TMEM196: variants seen among roughly 807,000 people sequenced by gnomAD.
TMEM196 encodes the protein transmembrane protein 196.
A neutral mutation model predicts 20.0 loss-of-function variants in TMEM196; 17 were observed. The ratio of observed to expected loss-of-function variants is 0.85; its 90% CI spans 0.58 to 1.27. TMEM196 has a LOEUF of 1.27. TMEM196 is among the 50% of genes most tolerant of loss of function. The pLI, the probability that TMEM196 is intolerant of heterozygous loss-of-function variation, is 0.00. For missense variants in TMEM196, 267 were observed against 223.0 expected (o/e 1.20, Z -1.26); for synonymous variants, 113 against 88.9 (o/e 1.27, Z -1.52).
chr7:19,749,959 C>A (rs80113197), intron 1 of TMEM196, among the ~76,000 whole-genome samples: 2 of 152,218 alleles, frequency 1.3e-5, no homozygotes, highest in Admixed American at 1.3e-4. Flanking sequence ...CTTCCATTAA[C>A]AAAGGCAGCC....
At chr7:19,743,603 G>C (rs1403310210) in intron 1 of TMEM196, among the ~76,000 whole-genome samples, 2 of 152,132 alleles carry the variant, frequency 1.3e-5, no homozygotes, top group African/African-American at 4.8e-5. Context: ...GTTGGAAATA[G>C]TAAGCTAGAA....
At chr7:19,733,821 G>A (rs1784297829) in intron 1 of TMEM196, among the ~76,000 whole-genome samples, 1 of 152,168 alleles carries the variant, frequency 6.6e-6, no homozygotes, top group African/African-American at 2.4e-5. Flanking sequence ...TCTCAGGAAG[G>A]AAGGTACAGA....
At chr7:19,770,401 G>A (rs1785822361) in intron 1 of TMEM196, among the ~76,000 whole-genome samples, 1 of 152,138 alleles carries the variant, frequency 6.6e-6, no homozygotes, top group African/African-American at 2.4e-5. Flanking sequence ...AGAAAGTGAG[G>A]TAGTTGAGAC....
At chr7:19,723,679 C>T (rs1783888077) in intron 4 of TMEM196, among the ~76,000 whole-genome samples, 1 of 152,124 alleles carries the variant, frequency 6.6e-6, no homozygotes, top group Non-Finnish European at 1.5e-5. Context: ...TGCAAATGGG[C>T]TTTCTGCAAA....
intron 1 of TMEM196, among the ~76,000 whole-genome samples, chr7:19,762,573 T>G: frequency 6.6e-6 from 1 of 152,344 alleles, no homozygotes; most frequent in African/African-American, 2.4e-5. Flanking sequence ...ATCATTTTGC[T>G]TATATTTTAT....
intron 1 of TMEM196, among the ~76,000 whole-genome samples, chr7:19,752,597 T>C (rs1365799627): frequency 6.6e-6 from 1 of 151,966 alleles, no homozygotes; most frequent in Non-Finnish European, 1.5e-5. Context: ...TTTAATTTAA[T>C]TTTATGTATT....
At chr7:19,736,353 C>CCATATATATA (rs1784400863) in intron 1 of TMEM196, among the ~76,000 whole-genome samples, 1 of 38,014 alleles carries the variant, frequency 2.6e-5, no homozygotes, top group African/African-American at 1.1e-4. Context: ...GTGGTTCCTA[C>CCATATATATA]TATATATATA....
At chr7:19,742,887 G>T (rs997038164) in intron 1 of TMEM196, among the ~76,000 whole-genome samples, 4 of 152,108 alleles carry the variant, frequency 2.6e-5, no homozygotes, top group African/African-American at 9.7e-5. Flanking sequence ...GATGGACAAG[G>T]TTCTTCTCTT....
In TMEM196 at chr7:19,729,428, C is replaced by G. The variant is rs772907594; in HGVS notation, c.158G>C (p.Cys53Ser). ...QLGDSSPFLL[C>S]GICGILCAKK... The stretch of plus-strand genomic sequence containing the variant: ...GGCACACAATATTCCACAAATGCCA[C>G]AAAGAAGAAACTGAAAAGGAAAAGA... Residue 53 changes from cysteine to serine, a missense_variant, in exon 2 of 5, where the codon TGT (cysteine) becomes TCT (serine). Coordinates refer to ENST00000405844, the MANE Select transcript of TMEM196 (RefSeq NM_001363562.2). The G allele has an allele frequency of 1.9e-6, 3 of 1,550,208 alleles. No individual in the cohort carries two copies. The South Asian group carries it at 3.6e-5, about 18-fold the overall frequency.
chr7:19,762,279 A>G (rs1218420339), intron 1 of TMEM196, among the ~76,000 whole-genome samples: 1 of 152,020 alleles, frequency 6.6e-6, no homozygotes, highest in African/African-American at 2.4e-5. Flanking sequence ...TTGGAGTTCA[A>G]ATTTGTGTTA....
rs994172412 is a variant in TMEM196, at chr7:19,721,387, A to T, written c.*741T>A. ...ACATACTTTATTCTTAGGCTCATTC[A>T]TGAACATGCAGATCAATCTGCACAG... On this transcript the variant is annotated 3_prime_UTR_variant, in exon 5 of 5. Coordinates refer to ENST00000405844, the MANE Select transcript of TMEM196 (RefSeq NM_001363562.2). 2 of 152,062 alleles carry T rather than the reference A, an allele frequency of 1.3e-5. No individual in the cohort carries two copies. Among genetic ancestry groups the T allele is most frequent in the African/African-American group, 4.8e-5 (2 of 41,464 alleles). The allele number at this position is 152,062 out of a possible 1,614,324, so 9.4% of individuals were successfully genotyped here.
intron 1 of TMEM196, among the ~76,000 whole-genome samples, chr7:19,729,750 T>A (rs1221551313): frequency 6.6e-6 from 1 of 152,188 alleles, no homozygotes; most frequent in Non-Finnish European, 1.5e-5. Context: ...CTTTCTACTT[T>A]CTCAGGGAGA....
chr7:19,748,731 T>G (rs923789136), intron 1 of TMEM196, among the ~76,000 whole-genome samples: 1 of 152,302 alleles, frequency 6.6e-6, no homozygotes, highest in Non-Finnish European at 1.5e-5. Context: ...ACATTTTGCT[T>G]AGCTAAAAGG....
In TMEM196 at chr7:19,773,483, G is replaced by T. The variant is rs1785975565; in HGVS notation, c.-787C>A. 1 of 169,190 alleles carries T rather than the reference G, an allele frequency of 5.9e-6. No individual in the cohort carries two copies. The highest frequency in any genetic ancestry group is 1.5e-5 in the Non-Finnish European group (1 of 68,392). The allele number at this position is 169,190 out of a possible 1,614,324, so 10.5% of individuals were successfully genotyped here. A position where few individuals can be genotyped will look rare whatever the true frequency, so the allele number is the denominator to read the frequency against. ...GAGGAGGAAAAAGCCTAATGTATTT[G>T]TAGATCCAGGACCAGTACTCTTGGC... On this transcript the variant is annotated 5_prime_UTR_variant, in exon 1 of 5. Coordinates refer to ENST00000405844, the MANE Select transcript of TMEM196 (RefSeq NM_001363562.2).
intron 1 of TMEM196, among the ~76,000 whole-genome samples, chr7:19,766,764 T>C (rs933014611): frequency 2.6e-5 from 4 of 151,678 alleles, no homozygotes; most frequent in African/African-American, 9.7e-5. Flanking sequence ...ATAGCTTTTA[T>C]TGAAGCCAAG....
At chr7:19,745,874 G>C (rs1018303968) in intron 1 of TMEM196, among the ~76,000 whole-genome samples, 2 of 150,768 alleles carry the variant, frequency 1.3e-5, no homozygotes, top group Non-Finnish European at 3.0e-5. Context: ...TAAAAATTAT[G>C]GTCTTTTGGC....
At chr7:19,758,096 C>G (rs2128035426) in intron 1 of TMEM196, among the ~76,000 whole-genome samples, 1 of 151,998 alleles carries the variant, frequency 6.6e-6, no homozygotes, top group East Asian at 1.9e-4. Context: ...TTTGACATTT[C>G]CAGTCCAAAG....
At chr7:19,750,166 T>C (rs1469792921) in intron 1 of TMEM196, among the ~76,000 whole-genome samples, 1 of 152,198 alleles carries the variant, frequency 6.6e-6, no homozygotes, top group Admixed American at 6.5e-5. Context: ...TTCTGTTGTC[T>C]TTCTCTCTCT....
chr7:19,727,504 A>G (rs544600670), intron 2 of TMEM196, among the ~76,000 whole-genome samples: 2 of 152,280 alleles, frequency 1.3e-5, no homozygotes, highest in African/African-American at 4.8e-5. Context: ...AATACTGAAG[A>G]TCAGTTACCA....
Sources: gnomAD v4.1 joint callset for allele counts (sites outside exome capture counted in the v4.1 genomes callset) on GRCh38, gnomAD v4.1.1 for gene constraint, MANE v1.5 for transcripts, NCBI Gene and HGNC (gene_info 2026-07-23, HGNC 2026-07-21) for gene names.